Variants in TRHDE observed in about 807,000 individuals in gnomAD.
The protein encoded by TRHDE is thyrotropin releasing hormone degrading enzyme.
Under a neutral mutation model 125.7 loss-of-function variants are expected in TRHDE, and 72 were observed. That is an observed-to-expected ratio of 0.57 (90% confidence interval 0.47 to 0.70). TRHDE has a LOEUF of 0.70. Among genes scored for constraint, TRHDE ranks in the 30% least tolerant of loss-of-function variants. The pLI, the probability that TRHDE is intolerant of heterozygous loss-of-function variation, is 0.00. For synonymous variants in TRHDE, 509 were observed against 509.1 expected (o/e 1.00, Z 0.00); for missense variants, 1,110 against 1,327.1 (o/e 0.84, Z 2.54).
At chr12:72,292,669 T>G (rs763945125) in intron 2 of TRHDE, among the ~76,000 whole-genome samples, 2 of 152,196 alleles carry the variant, frequency 1.3e-5, no homozygotes, top group African/African-American at 2.4e-5. Context: ...TGCTTCAAGC[T>G]CTCACCAACA....
intron 2 of TRHDE, among the ~76,000 whole-genome samples, chr12:72,329,410 T>C (rs1280481021): frequency 6.6e-6 from 1 of 152,190 alleles, no homozygotes; most frequent in Non-Finnish European, 1.5e-5. Context: ...AGAGCAGATC[T>C]TGGGAAATCA....
chr12:72,158,992 A>G (rs1876578307), intron 2 of TRHDE, among the ~76,000 whole-genome samples: 1 of 152,244 alleles, frequency 6.6e-6, no homozygotes, highest in African/African-American at 2.4e-5. Flanking sequence ...ATTTTAATAT[A>G]TTCAGAACTT....
At chr12:72,176,214 C>T (rs1057088118) in intron 2 of TRHDE, among the ~76,000 whole-genome samples, 6 of 152,112 alleles carry the variant, frequency 3.9e-5, no homozygotes, top group East Asian at 1.9e-4. Flanking sequence ...AGGCCAAACT[C>T]CCCCAAATTA....
At chr12:72,391,043 C>T (rs896619602) in intron 3 of TRHDE, among the ~76,000 whole-genome samples, 1 of 151,824 alleles carries the variant, frequency 6.6e-6, no homozygotes, top group African/African-American at 2.4e-5. Flanking sequence ...AATTTCCAGC[C>T]AATATGAAAG....
chr12:72,327,460 A>T (rs764220933), intron 2 of TRHDE, among the ~76,000 whole-genome samples: 1 of 152,124 alleles, frequency 6.6e-6, no homozygotes, highest in Non-Finnish European at 1.5e-5. Context: ...ATGTTCTAAA[A>T]CTGTTTGGAT....
chr12:72,253,183 A>G (rs1260712510), intron 2 of TRHDE, among the ~76,000 whole-genome samples: 3 of 152,132 alleles, frequency 2.0e-5, no homozygotes, highest in Admixed American at 6.5e-5. Context: ...GTATATAGAA[A>G]TGACATTGGT....
chr12:72,099,054 G>T (rs930284378), intron 1 of TRHDE, among the ~76,000 whole-genome samples: 1 of 151,836 alleles, frequency 6.6e-6, no homozygotes, highest in South Asian at 2.1e-4. Context: ...AATCCCAGCT[G>T]CTCGGGAGGC....
intron 2 of TRHDE, among the ~76,000 whole-genome samples, chr12:72,188,839 T>C (rs1054050620): frequency 6.6e-6 from 1 of 152,248 alleles, no homozygotes; most frequent in African/African-American, 2.4e-5. Context: ...TGCATACTTC[T>C]GAAGTTTAGC....
At chr12:72,223,851 A>T (rs186844876) in intron 2 of TRHDE, among the ~76,000 whole-genome samples, 1 of 152,038 alleles carries the variant, frequency 6.6e-6, no homozygotes, top group African/African-American at 2.4e-5. Context: ...TCAAAGCATT[A>T]CCTAGCCTCT....
At chr12:72,264,069 G>A (rs1259218222) in intron 2 of TRHDE, 1 of 151,946 alleles carries the variant, frequency 6.6e-6, no homozygotes, top group Admixed American at 6.6e-5. Flanking sequence ...AAAAAATGTA[G>A]CAATAAATTC....
chr12:72,528,931 A>G (rs1282479380), intron 6 of TRHDE, among the ~76,000 whole-genome samples: 1 of 152,168 alleles, frequency 6.6e-6, no homozygotes, highest in Non-Finnish European at 1.5e-5. Context: ...TTTATACTTT[A>G]ACGATGATTA....
chr12:72,239,396 C>A (rs546573543), intron 2 of TRHDE, among the ~76,000 whole-genome samples: 3 of 152,076 alleles, frequency 2.0e-5, no homozygotes, highest in African/African-American at 7.2e-5. Flanking sequence ...TTTAATTAGA[C>A]CCCATTTGTC....
At chr12:72,514,563 T>C (rs1055256440) in intron 6 of TRHDE, among the ~76,000 whole-genome samples, 8 of 151,792 alleles carry the variant, frequency 5.3e-5, no homozygotes, top group Non-Finnish European at 7.4e-5. Flanking sequence ...GACATAAAGA[T>C]GTATAGAAAA....
chr12:72,325,158 A>ATT (rs35868672), intron 2 of TRHDE, among the ~76,000 whole-genome samples: 14 of 151,166 alleles, frequency 9.3e-5, no homozygotes, highest in South Asian at 2.1e-4. Context: ...CATTTGCTTC[A>ATT]TTTTTTTTTA....
chr12:72,530,354 AAG>A (rs1312752117), intron 6 of TRHDE, among the ~76,000 whole-genome samples: 8 of 150,288 alleles, frequency 5.3e-5, no homozygotes, highest in African/African-American at 2.0e-4. Flanking sequence ...TTGCTTTCTT[AAG>A]CACACTTTGT....
Position 72,292,271 on chromosome 12 carries a change from C to T in TRHDE, c.1188+5317C>T, listed in dbSNP as rs570221140. 5.9e-5 allele frequency among the ~76,000 whole-genome samples: 9 copies of T among 152,242 alleles called. No individual in the cohort carries two copies. In the South Asian group the frequency reaches 1.9e-3, roughly 32 times the overall value. On this transcript the variant is annotated intron_variant, in intron 2 of 18. Coordinates refer to ENST00000261180, the MANE Select transcript of TRHDE (RefSeq NM_013381.3). Reference sequence around the variant, plus strand: ...GGCTTCATCCTTAGACCATTTTTGTCCTGACAGTGACCTGAATTTGTTGTT... The same window carrying T: ...GGCTTCATCCTTAGACCATTTTTGTTCTGACAGTGACCTGAATTTGTTGTT...
intron 1 of TRHDE, among the ~76,000 whole-genome samples, chr12:72,279,966 T>C (rs767049613): frequency 6.6e-6 from 1 of 152,176 alleles, no homozygotes; most frequent in Non-Finnish European, 1.5e-5. Context: ...AAAACTGTGG[T>C]TGTTGGTTAC....
chr12:72,572,876 T>A (rs1052236743), intron 10 of TRHDE, among the ~76,000 whole-genome samples: 5 of 152,060 alleles, frequency 3.3e-5, no homozygotes, highest in Non-Finnish European at 7.4e-5. Flanking sequence ...TTATCTAAAA[T>A]GTGAACAGGA....
chr12:72,370,865 C>T (rs953743657), intron 2 of TRHDE, among the ~76,000 whole-genome samples: 4 of 152,008 alleles, frequency 2.6e-5, no homozygotes, highest in Non-Finnish European at 5.9e-5. Flanking sequence ...GCCTCAGCCT[C>T]TCAGGTAGCT....
Sources: allele counts gnomAD v4.1 joint callset (sites outside exome capture counted in the v4.1 genomes callset), GRCh38; gene constraint gnomAD v4.1.1; transcripts MANE v1.5; gene names NCBI Gene and HGNC (gene_info 2026-07-23, HGNC 2026-07-21).